The following ATXN1 variants were observed in gnomAD, a reference collection of about 807,000 sequenced individuals.
ATXN1 encodes the protein ataxin 1.
Under a neutral mutation model 56.4 loss-of-function variants are expected in ATXN1, and 8 were observed. The observed-to-expected ratio is 0.14, with a 90% confidence interval of 0.08 to 0.26. The LOEUF (loss-of-function observed/expected upper bound fraction) is 0.26. Ranked by LOEUF, ATXN1 falls within the 10% of genes least tolerant of loss-of-function variation. The pLI is 1.00. For missense variants in ATXN1, 987 were observed against 1,106.5 expected, an observed-to-expected ratio of 0.89 and a Z score of 1.53; for synonymous variants, 514 against 494.6, an observed-to-expected ratio of 1.04 and a Z score of -0.52.
intron 2 of ATXN1, among the ~76,000 whole-genome samples, chr6:16,713,255 C>G (rs1021313877): frequency 2.0e-5 from 3 of 152,138 alleles, no homozygotes; most frequent in Non-Finnish European, 4.4e-5. Context: ...AATACAATTG[C>G]GGTAATCAGC....
chr6:16,745,510 C>T (rs1760501339), intron 2 of ATXN1, among the ~76,000 whole-genome samples: 1 of 152,058 alleles, frequency 6.6e-6, no homozygotes, highest in East Asian at 1.9e-4. Flanking sequence ...AACTAAAAAA[C>T]AACACATAAA....
At chr6:16,469,963 A>G (rs1683120572) in intron 6 of ATXN1, among the ~76,000 whole-genome samples, 1 of 148,356 alleles carries the variant, frequency 6.7e-6, no homozygotes, top group Non-Finnish European at 1.5e-5. Context: ...TCTGTCTCAA[A>G]AAAAAAAAAA....
In ATXN1 at chr6:16,314,497, C is replaced by T. The variant is rs542423927; in HGVS notation, c.1918-7638G>A. On this transcript the variant is annotated intron_variant, in intron 7 of 7. Coordinates refer to ENST00000436367, the MANE Select transcript of ATXN1 (RefSeq NM_001128164.2). ...GACTGGTTTGGATGTGAAACAGAGACGGTGTGATTTTGTAGGATGATGTCA... is the reference window on the plus strand; with the variant it reads ...GACTGGTTTGGATGTGAAACAGAGATGGTGTGATTTTGTAGGATGATGTCA... Among the ~76,000 whole-genome samples, 14 of 152,208 alleles carry T rather than the reference C, an allele frequency of 9.2e-5. No homozygotes were observed. In the South Asian group the frequency reaches 1.2e-3, roughly 14 times the overall value.
At chr6:16,711,977 C>CTGAA (rs59459480) in intron 2 of ATXN1, among the ~76,000 whole-genome samples, 97,873 of 151,650 alleles carry the variant, frequency 0.65, 32,106 homozygotes, top group East Asian at 0.85. Context: ...AAAGTACTGA[C>CTGAA]TGATTCCATT....
intron 2 of ATXN1, among the ~76,000 whole-genome samples, chr6:16,660,462 TATC>T (rs1478883722): frequency 6.6e-6 from 1 of 152,258 alleles, no homozygotes; most frequent in Non-Finnish European, 1.5e-5. Context: ...AAGTATGGGA[TATC>T]AACAACCTAT....
At chr6:16,345,922 G>A (rs1761375367) in intron 6 of ATXN1, among the ~76,000 whole-genome samples, 1 of 151,988 alleles carries the variant, frequency 6.6e-6, no homozygotes, top group Non-Finnish European at 1.5e-5. Flanking sequence ...CCCCAGCTCA[G>A]CGTCATTAAC....
At chr6:16,692,269 T>G (rs1019887559) in intron 2 of ATXN1, among the ~76,000 whole-genome samples, 4 of 150,184 alleles carry the variant, frequency 2.7e-5, no homozygotes, top group African/African-American at 9.7e-5. Flanking sequence ...GTACTTTATA[T>G]GATTAATCTA....
intron 5 of ATXN1, among the ~76,000 whole-genome samples, chr6:16,500,757 A>C (rs920984973): frequency 2.0e-5 from 3 of 151,498 alleles, no homozygotes; most frequent in Non-Finnish European, 2.9e-5. Flanking sequence ...AAAAAAAAAA[A>C]AAACATTGAG....
intron 6 of ATXN1, among the ~76,000 whole-genome samples, chr6:16,363,551 T>G (rs955674793): frequency 6.6e-6 from 1 of 152,258 alleles, no homozygotes; most frequent in Non-Finnish European, 1.5e-5. Flanking sequence ...ATTGATCTGT[T>G]CAGCACAATC....
chr6:16,512,073 A>G (rs1027786818), intron 5 of ATXN1, among the ~76,000 whole-genome samples: 1 of 152,238 alleles, frequency 6.6e-6, no homozygotes, highest in Non-Finnish European at 1.5e-5. Context: ...TGAGGCAGCC[A>G]GGTGTTAGTT....
intron 4 of ATXN1, among the ~76,000 whole-genome samples, chr6:16,563,383 T>G (rs1198775691): frequency 6.6e-6 from 1 of 152,100 alleles, no homozygotes; most frequent in Non-Finnish European, 1.5e-5. Flanking sequence ...GCAGGATTGG[T>G]GCCTGGAAAG....
intron 6 of ATXN1, among the ~76,000 whole-genome samples, chr6:16,398,067 C>A (rs1758491672): frequency 6.6e-6 from 1 of 152,152 alleles, no homozygotes; most frequent in Non-Finnish European, 1.5e-5. Context: ...TGCTTTTATG[C>A]CAATCTGTCA....
intron 6 of ATXN1, among the ~76,000 whole-genome samples, chr6:16,381,417 C>G (rs1282996250): frequency 6.6e-6 from 1 of 152,222 alleles, no homozygotes; most frequent in Non-Finnish European, 1.5e-5. Context: ...TCCCGAGCAT[C>G]TTCACAGGGA....
At chr6:16,335,769 G>A (rs1276599734) in intron 6 of ATXN1, among the ~76,000 whole-genome samples, 4 of 152,190 alleles carry the variant, frequency 2.6e-5, no homozygotes, top group Admixed American at 2.0e-4. Flanking sequence ...GAGAAAGGCA[G>A]AGAAAGATGT....
At chr6:16,663,641 T>A (rs970059863) in intron 2 of ATXN1, among the ~76,000 whole-genome samples, 2 of 140,366 alleles carry the variant, frequency 1.4e-5, no homozygotes, top group Non-Finnish European at 3.0e-5. Flanking sequence ...GCATGTTTTT[T>A]AATTTTTTAT....
At chr6:16,511,612 A>T (rs1761083086) in intron 5 of ATXN1, among the ~76,000 whole-genome samples, 1 of 152,074 alleles carries the variant, frequency 6.6e-6, no homozygotes, top group Non-Finnish European at 1.5e-5. Context: ...AACCTCCAAA[A>T]ACTTCTCATA....
intron 6 of ATXN1, among the ~76,000 whole-genome samples, chr6:16,461,599 C>T (rs1759999359): frequency 6.6e-6 from 1 of 152,176 alleles, no homozygotes; most frequent in African/African-American, 2.4e-5. Context: ...TCTGTGTTGA[C>T]CAACCAAATT....
intron 2 of ATXN1, among the ~76,000 whole-genome samples, chr6:16,694,039 T>C (rs1168980356): frequency 6.6e-6 from 1 of 152,220 alleles, no homozygotes; most frequent in African/African-American, 2.4e-5. Flanking sequence ...AAAAATTTAA[T>C]CTACCTAAGA....
intron 4 of ATXN1, among the ~76,000 whole-genome samples, chr6:16,578,567 G>A (rs1474165382): frequency 6.6e-6 from 1 of 152,192 alleles, no homozygotes; most frequent in African/African-American, 2.4e-5. Context: ...CATCCTTCCA[G>A]AGCCAGCCCA....
Sources: allele counts gnomAD v4.1 joint callset (sites outside exome capture counted in the v4.1 genomes callset), GRCh38; gene constraint gnomAD v4.1.1; transcripts MANE v1.5; gene names NCBI Gene and HGNC (gene_info 2026-07-23, HGNC 2026-07-21).